Variants in PHIP observed in about 807,000 individuals in gnomAD.
PHIP encodes the protein PHIP subunit of CUL4-Ring ligase complex.
Under a neutral mutation model 236.8 loss-of-function variants are expected in PHIP, and 54 were observed. That is an observed-to-expected ratio of 0.23 (90% confidence interval 0.18 to 0.29). PHIP has a LOEUF of 0.29. Ranked by LOEUF, PHIP falls within the 10% of genes least tolerant of loss-of-function variation. The pLI is 1.00. For synonymous variants in PHIP, 756 were observed against 718.9 expected (o/e 1.05, Z -0.83); for missense variants, 1,370 against 2,190.8 (o/e 0.63, Z 7.48).
intron 7 of PHIP, among the ~76,000 whole-genome samples, chr6:79,035,574 C>G (rs1288937793): frequency 6.6e-6 from 1 of 152,038 alleles, no homozygotes; most frequent in Non-Finnish European, 1.5e-5. Flanking sequence ...CCTTGAAAAC[C>G]TACTGTTATC....
At position 79,025,481 on chromosome 6, in the gene PHIP, T is replaced by G. The variant is rs375534314; in HGVS notation, c.923+38A>C. 1.2e-5 allele frequency: 15 copies of G among 1,239,608 alleles called. No individual in the cohort carries two copies. In the African/African-American group the frequency reaches 2.2e-4, roughly 19 times the overall value. 76.8% of individuals were successfully genotyped at this position (1,239,608 alleles called of 1,614,324 possible). ...ACTTTTGCAATTTCACTCATTAAAC[T>G]AAACACATTTAATCTATGAAATAAA... On this transcript the variant is annotated intron_variant, in intron 9 of 39. Transcript: ENST00000275034.
At chr6:79,039,578 A>G (rs1772108441) in intron 7 of PHIP, among the ~76,000 whole-genome samples, 1 of 152,094 alleles carries the variant, frequency 6.6e-6, no homozygotes. Context: ...CTATATCCCA[A>G]CTGCTTAAAA....
At chr6:78,944,184 TGG>T (rs1350024656) in intron 39 of PHIP, among the ~76,000 whole-genome samples, 1 of 151,950 alleles carries the variant, frequency 6.6e-6, no homozygotes, top group Non-Finnish European at 1.5e-5. Context: ...TTAGGATGAC[TGG>T]GATACAAAAG....
chr6:78,981,065 G>A (rs1272347908), intron 23 of PHIP, among the ~76,000 whole-genome samples: 1 of 152,014 alleles, frequency 6.6e-6, no homozygotes, highest in Non-Finnish European at 1.5e-5. Flanking sequence ...GAGGAACTTA[G>A]AATGTTTGGT....
rs1052254241 is a variant in PHIP, at chr6:78,937,480, CT to C, written c.*3212del. On this transcript the variant is annotated 3_prime_UTR_variant, in exon 40 of 40. Coordinates refer to ENST00000275034, the MANE Select transcript of PHIP (RefSeq NM_017934.7). ...CATACATGCTGCATAAAGATATTTT[CT>C]CTGATTACTGTATCTTATGTAATTC... 3.6e-4 allele frequency: 54 copies of C among 151,806 alleles called. No individual in the cohort carries two copies. The highest frequency in any genetic ancestry group is 1.3e-3 in the African/African-American group (52 of 41,522). The allele number at this position is 151,806 out of a possible 1,614,324, so 9.4% of individuals were successfully genotyped here.
At chr6:78,984,756 C>T (rs1486530617) in intron 22 of PHIP, among the ~76,000 whole-genome samples, 1 of 152,126 alleles carries the variant, frequency 6.6e-6, no homozygotes, top group Non-Finnish European at 1.5e-5. Context: ...CATACTTTGT[C>T]TCGTCTATTT....
At chr6:79,041,055 G>A (rs928528002) in intron 7 of PHIP, among the ~76,000 whole-genome samples, 1 of 152,068 alleles carries the variant, frequency 6.6e-6, no homozygotes, top group Admixed American at 6.6e-5. Context: ...GTCTAGAAAA[G>A]GATAGCAATT....
chr6:78,986,976 T>TA (rs1219497400), intron 21 of PHIP, among the ~76,000 whole-genome samples: 1 of 152,090 alleles, frequency 6.6e-6, no homozygotes, highest in African/African-American at 2.4e-5. Context: ...AAATACAAAA[T>TA]ACTAAAGTAC....
chr6:79,052,436 TAG>T (rs1218959453), intron 6 of PHIP, among the ~76,000 whole-genome samples: 1 of 152,186 alleles, frequency 6.6e-6, no homozygotes, highest in Non-Finnish European at 1.5e-5. Flanking sequence ...GCGGACTATA[TAG>T]AGTGCTTTCT....
intron 6 of PHIP, among the ~76,000 whole-genome samples, chr6:79,043,634 A>G (rs924192094): frequency 1.3e-5 from 2 of 152,052 alleles, no homozygotes; most frequent in Non-Finnish European, 2.9e-5. Context: ...ATCATTATTC[A>G]AGATCTGACT....
At position 79,017,406 on chromosome 6, in the gene PHIP, C is replaced by T. The variant is rs1248264269; in HGVS notation, c.1096-20G>A. 6.3e-7 allele frequency: 1 copy of T among 1,585,148 alleles called. No homozygotes were observed. The highest frequency in any genetic ancestry group is 8.6e-7 in the Non-Finnish European group (1 of 1,162,496). On this transcript the variant is annotated intron_variant, in intron 11 of 39. Coordinates refer to ENST00000275034, the MANE Select transcript of PHIP (RefSeq NM_017934.7). Reference sequence around the variant, plus strand: ...TTTGTCCTATATATAAACAAATAAACAAAAAAGTGGGTGCTGAATATAAAC... The same window carrying T: ...TTTGTCCTATATATAAACAAATAAATAAAAAAGTGGGTGCTGAATATAAAC...
At chr6:79,069,429 G>A (rs1582320709) in intron 4 of PHIP, among the ~76,000 whole-genome samples, 1 of 151,800 alleles carries the variant, frequency 6.6e-6, no homozygotes, top group Admixed American at 6.6e-5. Context: ...ACTTTGTGCT[G>A]AGTGTTCCCA....
intron 15 of PHIP, among the ~76,000 whole-genome samples, chr6:79,011,870 AAAGT>A (rs1447114243): frequency 6.6e-6 from 1 of 151,766 alleles, no homozygotes; most frequent in African/African-American, 2.4e-5. Context: ...GAAATTTTTA[AAAGT>A]ATAAGTCATG....
At chr6:79,014,047 T>A (rs1562179215) in intron 15 of PHIP, among the ~76,000 whole-genome samples, 1 of 126,544 alleles carries the variant, frequency 7.9e-6, no homozygotes, top group Non-Finnish European at 1.8e-5. Context: ...ATTAACACTG[T>A]TTTCTAGAAA....
rs1196272516 is a variant in PHIP at position 78,936,900 on chromosome 6, AAC to A, written c.*3791_*3792del. ...GTTCAGATCACTTGGAAATTAGGGG[AAC>A]TAAGGGAAACTGCAAGGGTAGAAGC... On this transcript the variant is annotated 3_prime_UTR_variant, in exon 40 of 40. Transcript: ENST00000275034. 1.3e-5 allele frequency: 2 copies of A among 151,794 alleles called. No homozygotes were observed. The highest frequency in any genetic ancestry group is 4.8e-5 in the African/African-American group (2 of 41,424). The allele number at this position is 151,794 out of a possible 1,614,324, so 9.4% of individuals were successfully genotyped here.
At chr6:79,050,482 T>C (rs1052452773) in intron 6 of PHIP, among the ~76,000 whole-genome samples, 18 of 152,182 alleles carry the variant, frequency 1.2e-4, no homozygotes, top group African/African-American at 2.4e-4. Flanking sequence ...TTAACTATTA[T>C]ATGCTGCCTA....
intron 7 of PHIP, among the ~76,000 whole-genome samples, chr6:79,027,262 C>G (rs1771452962): frequency 6.6e-6 from 1 of 152,050 alleles, no homozygotes; most frequent in South Asian, 2.1e-4. Flanking sequence ...CAGACTCTGC[C>G]AATGATACCT....
chr6:79,007,651 GTTCTTTT>G lies in PHIP; in HGVS notation c.1525-3800_1525-3794del, dbSNP rs1770357414. ...TCTATTAGCAGGGTCAGTATGTCTT[GTTCTTTT>G]TTTTTTTTTTTTTTTTTTAAGCACA... On this transcript the variant is annotated intron_variant, in intron 15 of 39. Coordinates refer to ENST00000275034, the MANE Select transcript of PHIP (RefSeq NM_017934.7). 3.0e-5 allele frequency among the ~76,000 whole-genome samples: 3 copies of G among 101,250 alleles called. No individual in the cohort carries two copies. In the South Asian group the frequency reaches 1.2e-3, roughly 40 times the overall value. The allele number at this position is 101,250 out of a possible 152,430, so 66.4% of individuals were successfully genotyped here. A position where few individuals can be genotyped will look rare whatever the true frequency, so the allele number is the denominator to read the frequency against.
At chr6:79,046,775 C>T (rs1450375082) in intron 6 of PHIP, among the ~76,000 whole-genome samples, 2 of 151,890 alleles carry the variant, frequency 1.3e-5, no homozygotes, top group African/African-American at 4.8e-5. Flanking sequence ...ATGTGGGAGG[C>T]TGAGGCAGAA....
Sources: gnomAD v4.1 joint callset for allele counts (sites outside exome capture counted in the v4.1 genomes callset) on GRCh38, gnomAD v4.1.1 for gene constraint, MANE v1.5 for transcripts, NCBI Gene and HGNC (gene_info 2026-07-23, HGNC 2026-07-21) for gene names.